The following GPATCH8 variants were observed in gnomAD, a reference collection of about 807,000 sequenced individuals.
The protein encoded by GPATCH8 is G patch domain-containing protein 8.
A neutral mutation model predicts 118.3 loss-of-function variants in GPATCH8; 18 were observed. The observed-to-expected ratio is 0.15, with a 90% confidence interval of 0.11 to 0.23. GPATCH8 has a LOEUF of 0.23. Ranked by LOEUF, GPATCH8 falls within the 10% of genes least tolerant of loss-of-function variation. The pLI is 1.00. For missense variants in GPATCH8, 1,631 were observed against 1,873.8 expected (o/e 0.87, Z 2.39); for synonymous variants, 659 against 684.7 (o/e 0.96, Z 0.59).
At chr17:44,433,324 A>G (rs977861917) in intron 5 of GPATCH8, among the ~76,000 whole-genome samples, 5 of 152,204 alleles carry the variant, frequency 3.3e-5, no homozygotes, top group African/African-American at 1.2e-4. Context: ...CTATTTCAAA[A>G]TATTTATTCA....
chr17:44,495,650 G>C (rs1969612279), intron 1 of GPATCH8, among the ~76,000 whole-genome samples: 1 of 152,070 alleles, frequency 6.6e-6, no homozygotes, highest in African/African-American at 2.4e-5. Flanking sequence ...TCAAAAATTA[G>C]TCTATATTCT....
chr17:44,458,168 T>C (rs1026766631), intron 3 of GPATCH8, among the ~76,000 whole-genome samples: 1 of 150,408 alleles, frequency 6.6e-6, no homozygotes, highest in African/African-American at 2.4e-5. Flanking sequence ...GGAGGATCAC[T>C]TGAGCCCAGG....
intron 1 of GPATCH8, among the ~76,000 whole-genome samples, chr17:44,477,741 GA>G (rs1967893419): frequency 6.6e-6 from 1 of 151,540 alleles, no homozygotes. Flanking sequence ...GGTATTTCAG[GA>G]ATGAAAAAAA....
intron 6 of GPATCH8, among the ~76,000 whole-genome samples, chr17:44,416,331 GGTTAGCTAT>G (rs2049683583): frequency 6.6e-6 from 1 of 152,070 alleles, no homozygotes; most frequent in South Asian, 2.1e-4. Flanking sequence ...TTTTTTTTAA[GGTTAGCTAT>G]GTCGTGATTG....
intron 1 of GPATCH8, among the ~76,000 whole-genome samples, chr17:44,482,842 T>C (rs1968380851): frequency 2.2e-5 from 3 of 139,490 alleles, no homozygotes; most frequent in African/African-American, 5.4e-5. Flanking sequence ...TAGAAGCTTG[T>C]AGTAGAAGTT....
intron 1 of GPATCH8, among the ~76,000 whole-genome samples, chr17:44,479,827 C>A (rs991816454): frequency 4.0e-5 from 6 of 151,892 alleles, no homozygotes; most frequent in Non-Finnish European, 7.4e-5. Context: ...ATTAGCCGGG[C>A]ATGGTGGTGC....
chr17:44,399,446 A>G lies in GPATCH8; in HGVS notation c.2631T>C (p.Ser877=). ...RRSYSSSSDA[S]SDQSCYSRQR... is the part of the protein sequence containing the mutation. ...GTCTACTATAGCAGCTCTGGTCTGA[A>G]GAGGCATCTGAGCTACTTGAGTAAG... is the stretch of plus-strand genomic sequence containing the variant. Residue 877 remains serine, a synonymous_variant, in exon 8 of 8, where the codon TCT becomes TCC. Coordinates refer to ENST00000591680, the MANE Select transcript of GPATCH8 (RefSeq NM_001002909.4). The G allele has an allele frequency of 6.2e-7, 1 of 1,613,936 alleles. No homozygotes were observed. The highest frequency in any genetic ancestry group is 2.2e-5 in the East Asian group (1 of 44,884).
chr17:44,497,530 A>AAGGCTGCCG (rs1969747985), intron 1 of GPATCH8, among the ~76,000 whole-genome samples: 1 of 151,788 alleles, frequency 6.6e-6, no homozygotes, highest in Non-Finnish European at 1.5e-5. Context: ...CAAGGCTGCC[A>AAGGCTGCCG]GGAGCCATGA....
chr17:44,398,157 C>G lies in GPATCH8; in HGVS notation c.3920G>C (p.Ser1307Thr), dbSNP rs1361480393. 1 of 1,613,624 alleles carries G rather than the reference C, an allele frequency of 6.2e-7. No homozygotes were observed. The highest frequency in any genetic ancestry group is 2.2e-5 in the East Asian group (1 of 44,866). The stretch of plus-strand genomic sequence containing the variant: ...CTCAGGGGTGAAGGTGATGGGCTGG[C>G]TTTCCAGGGGGGCCAGTGAAGCATC... ...AEDASLAPLE[S>T]QPITFTPEEM... is the part of the protein sequence containing the mutation. Residue 1307 changes from serine to threonine, a missense_variant, in exon 8 of 8, where the codon AGC (serine) becomes ACC (threonine). Ser to Thr is a moderately conservative substitution (Grantham distance 58). Around this residue, in one of 8 missense-constraint regions of GPATCH8, gnomAD observed 13 missense variants for 35.9 expected, o/e 0.36. Transcript: ENST00000591680.
Position 44,398,949 on chromosome 17 carries a change from C to T in GPATCH8, c.3128G>A (p.Arg1043Gln), listed in dbSNP as rs741902. The change falls in exon 8 of 8, where the codon CGG (arginine) becomes CAG (glutamine). Residue 1043 changes from arginine (R) to glutamine (Q), a missense_variant. Around this residue, in one of 8 missense-constraint regions of GPATCH8, gnomAD observed 922 missense variants for 879.7 expected, o/e 1.05. Transcript: ENST00000591680. ...ATCTTTCTTCCCAGGACCTTCTCCC[C>T]GGCCTGATCGGAAATAGTGGGGGGA... is the stretch of plus-strand genomic sequence containing the variant. ...SQSPHYFRSG[R>Q]GEGPGKKDDG... 10 of 1,614,036 alleles carry T rather than the reference C, an allele frequency of 6.2e-6. No individual in the cohort carries two copies. The highest frequency in any genetic ancestry group is 3.3e-5 in the South Asian group (3 of 91,090).
At chr17:44,423,293 G>A (rs1046475147) in intron 6 of GPATCH8, among the ~76,000 whole-genome samples, 3 of 152,152 alleles carry the variant, frequency 2.0e-5, no homozygotes, top group African/African-American at 4.8e-5. Flanking sequence ...AAGCTGTCTT[G>A]AATACAAGTC....
chr17:44,420,193 G>A (rs529367635), intron 6 of GPATCH8, among the ~76,000 whole-genome samples: 1 of 151,900 alleles, frequency 6.6e-6, no homozygotes, highest in East Asian at 1.9e-4. Flanking sequence ...GTTCTCCATG[G>A]GTAACCCTTA....
rs764413825 is a variant in GPATCH8 at position 44,396,756 on chromosome 17, G to A, written c.*812C>T. The A allele has an allele frequency of 1.3e-5, 6 of 453,442 alleles. No individual in the cohort carries two copies. The highest frequency in any genetic ancestry group is 1.2e-4 in the Admixed American group (5 of 42,358). 28.1% of individuals were successfully genotyped at this position (453,442 alleles called of 1,614,324 possible). ...AAAAAGCAGCATTTACGTTTATAGA[G>A]TTCAGTGCAATTTTTTACATTAAAA... On this transcript the variant is annotated 3_prime_UTR_variant, in exon 8 of 8. Coordinates refer to ENST00000591680, the MANE Select transcript of GPATCH8 (RefSeq NM_001002909.4).
At chr17:44,469,550 C>T (rs75180812) in intron 2 of GPATCH8, among the ~76,000 whole-genome samples, 1 of 152,180 alleles carries the variant, frequency 6.6e-6, no homozygotes, top group East Asian at 1.9e-4. Context: ...TAATTCTATA[C>T]TGAATTTTGT....
chr17:44,472,916 G>A (rs560836652), intron 2 of GPATCH8, among the ~76,000 whole-genome samples: 86 of 151,854 alleles, frequency 5.7e-4, no homozygotes, highest in Non-Finnish European at 1.1e-3. Context: ...GGCTGGTCTC[G>A]AACTCCTGAC....
At chr17:44,467,307 G>A in intron 2 of GPATCH8, 2 of 247,588 alleles carry the variant, frequency 8.1e-6, no homozygotes, top group Non-Finnish European at 1.7e-5. Flanking sequence ...TGACAACAGT[G>A]AAAGGAAAAG....
chr17:44,480,816 A>C (rs1968171314), intron 1 of GPATCH8, among the ~76,000 whole-genome samples: 1 of 152,112 alleles, frequency 6.6e-6, no homozygotes, highest in Admixed American at 6.5e-5. Context: ...GGTTGCAGTA[A>C]GCCGAGATCA....
At chr17:44,502,265 C>T (rs1970125222) in intron 1 of GPATCH8, among the ~76,000 whole-genome samples, 1 of 152,072 alleles carries the variant, frequency 6.6e-6, no homozygotes, top group Non-Finnish European at 1.5e-5. Flanking sequence ...TTTCGTACTG[C>T]TTTGAGTAGG....
At chr17:44,502,065 T>C (rs1161222959) in intron 1 of GPATCH8, among the ~76,000 whole-genome samples, 2 of 152,180 alleles carry the variant, frequency 1.3e-5, no homozygotes, top group African/African-American at 2.4e-5. Context: ...AGCAGGCGCA[T>C]GATCACAAGG....
Sources: allele counts gnomAD v4.1 joint callset (sites outside exome capture counted in the v4.1 genomes callset), GRCh38; gene constraint gnomAD v4.1.1; regional missense constraint gnomAD v4.1.1; transcripts MANE v1.5; gene names NCBI Gene and HGNC (gene_info 2026-07-23, HGNC 2026-07-21).